Variants in THSD7A observed in about 807,000 individuals in gnomAD.
The protein encoded by THSD7A is thrombospondin type 1 domain containing 7A.
THSD7A carries 96 observed loss-of-function variants against 231.3 expected under a neutral mutation model. That is an observed-to-expected ratio of 0.41 (90% CI 0.35 to 0.49). The LOEUF (loss-of-function observed/expected upper bound fraction) is 0.49, where lower values mean the gene tolerates loss of function less well. Ranked by LOEUF, THSD7A falls within the 20% of genes least tolerant of loss-of-function variation. The pLI, the probability that THSD7A is intolerant of heterozygous loss-of-function variation, is 0.05. For missense variants in THSD7A, 2,290 were observed against 2,070.2 expected (o/e 1.11, Z -2.06); for synonymous variants, 940 against 743.3 (o/e 1.26, Z -4.30).
At chr7:11,542,351 A>C (rs915645626) in intron 5 of THSD7A, among the ~76,000 whole-genome samples, 2 of 152,226 alleles carry the variant, frequency 1.3e-5, no homozygotes, top group African/African-American at 4.8e-5. Flanking sequence ...TTGAAACAAA[A>C]TTGAAAAATG....
intron 1 of THSD7A, among the ~76,000 whole-genome samples, chr7:11,753,769 C>T (rs1355335545): frequency 6.6e-6 from 1 of 151,094 alleles, no homozygotes; most frequent in Non-Finnish European, 1.5e-5. Context: ...ACAAACAATG[C>T]AATGGAGAGA....
intron 2 of THSD7A, among the ~76,000 whole-genome samples, chr7:11,605,630 T>C (rs1050184806): frequency 6.6e-6 from 1 of 152,166 alleles, no homozygotes; most frequent in Non-Finnish European, 1.5e-5. Flanking sequence ...TTACACTTAA[T>C]CTTCATCAAT....
rs184773817 is a variant in THSD7A, at chr7:11,734,112, A to G, written c.191-97151T>C. On this transcript the variant is annotated intron_variant, in intron 1 of 27. Transcript: ENST00000423059. ...TGTTGATTAGATGTCATGTCCAATT[A>G]GCCCCCAAATCCAAGGAAATTCAAC... Among the ~76,000 whole-genome samples, 414 of 152,016 alleles carry G rather than the reference A, an allele frequency of 2.7e-3. 3 individuals are homozygous for G. The highest frequency in any genetic ancestry group is 9.5e-3 in the African/African-American group (394 of 41,534).
chr7:11,404,866 A>G (rs1000704816), intron 22 of THSD7A, among the ~76,000 whole-genome samples: 1 of 152,170 alleles, frequency 6.6e-6, no homozygotes, highest in African/African-American at 2.4e-5. Context: ...TACAGGCACT[A>G]TGTCTTAGAA....
intron 1 of THSD7A, among the ~76,000 whole-genome samples, chr7:11,658,437 CT>C (rs780512369): frequency 6.6e-6 from 1 of 151,368 alleles, no homozygotes; most frequent in African/African-American, 2.4e-5. Context: ...CCAGATAGGC[CT>C]TTTTTTTCAC....
At position 11,590,600 on chromosome 7, in the gene THSD7A, T is replaced by G. The variant is rs745400637; in HGVS notation, c.1313A>C (p.Asp438Ala). Residue 438 changes from aspartate (D) to alanine (A), a missense_variant, in exon 4 of 28, where the codon GAC becomes GCC. Transcript: ENST00000423059. The surrounding 1 kb of genome is among the most constrained non-coding windows in gnomAD (Gnocchi z 4.4). Reference sequence around the variant, plus strand: ...CTTGTCCTGCTGACTGAGCAAAGGGTCCACACGGCACTCAGTCCACTCTGT... The same window carrying G: ...CTTGTCCTGCTGACTGAGCAAAGGGGCCACACGGCACTCAGTCCACTCTGT... ...RTTEWTECRVDPLLSQQDKRR... is the reference protein window; with the variant it reads ...RTTEWTECRVAPLLSQQDKRR... 12 of 1,613,270 alleles carry G rather than the reference T, an allele frequency of 7.4e-6. No individual in the cohort carries two copies. In the South Asian group the frequency reaches 1.3e-4, roughly 18 times the overall value.
Position 11,721,540 on chromosome 7 carries a change from T to C in THSD7A, c.191-84579A>G, listed in dbSNP as rs550790703. Reference sequence around the variant, plus strand: ...CGGAACTGTGAGTCAATAAAACCTCTTTTCTTCATAAGTTACCTAGTCTCA... The same window carrying C: ...CGGAACTGTGAGTCAATAAAACCTCCTTTCTTCATAAGTTACCTAGTCTCA... On this transcript the variant is annotated intron_variant, in intron 1 of 27. Coordinates refer to ENST00000423059, the MANE Select transcript of THSD7A (RefSeq NM_015204.3). Among the ~76,000 whole-genome samples, 22 of 151,808 alleles carry C rather than the reference T, an allele frequency of 1.4e-4. No homozygotes were observed. The East Asian group carries it at 4.3e-3, about 30-fold the overall frequency.
intron 7 of THSD7A, among the ~76,000 whole-genome samples, chr7:11,475,653 T>G (rs1196186777): frequency 6.7e-6 from 1 of 149,046 alleles, no homozygotes; most frequent in African/African-American, 2.4e-5. Flanking sequence ...ATGTAATGAA[T>G]CCTGCATTCT....
chr7:11,408,662 A>C (rs905637359), intron 19 of THSD7A, among the ~76,000 whole-genome samples: 6 of 152,158 alleles, frequency 3.9e-5, no homozygotes, highest in African/African-American at 1.4e-4. Flanking sequence ...TACAGCAGAT[A>C]ATGGCAAAAA....
At chr7:11,708,589 G>T (rs1330325760) in intron 1 of THSD7A, among the ~76,000 whole-genome samples, 2 of 150,286 alleles carry the variant, frequency 1.3e-5, no homozygotes, top group Admixed American at 6.7e-5. Flanking sequence ...GCTGTAACAT[G>T]TAAATTTTTG....
intron 1 of THSD7A, among the ~76,000 whole-genome samples, chr7:11,718,452 C>T (rs1298620334): frequency 6.6e-6 from 1 of 151,604 alleles, no homozygotes; most frequent in Non-Finnish European, 1.5e-5. Flanking sequence ...ATATTTGCAG[C>T]TTGAATACTG....
chr7:11,721,905 T>C (rs7796773), intron 1 of THSD7A, among the ~76,000 whole-genome samples: 57,712 of 151,750 alleles, frequency 0.38, 11,410 homozygotes, highest in South Asian at 0.51. Flanking sequence ...GCTCTCTATG[T>C]TCCAAATATA....
intron 11 of THSD7A, among the ~76,000 whole-genome samples, chr7:11,454,401 A>C (rs778443235): frequency 6.6e-6 from 1 of 151,902 alleles, no homozygotes; most frequent in African/African-American, 2.4e-5. Context: ...AAAGAAAAAC[A>C]AAACTATCCT....
chr7:11,776,943 T>C (rs1045283854), intron 1 of THSD7A, among the ~76,000 whole-genome samples: 1 of 152,168 alleles, frequency 6.6e-6, no homozygotes, highest in African/African-American at 2.4e-5. Context: ...GCTGTAGATT[T>C]TGCAGTTGAT....
At chr7:11,727,870 T>C (rs1781600946) in intron 1 of THSD7A, among the ~76,000 whole-genome samples, 1 of 152,036 alleles carries the variant, frequency 6.6e-6, no homozygotes, top group African/African-American at 2.4e-5. Flanking sequence ...AGCTTAGTTA[T>C]CGGTATCTCA....
At chr7:11,439,724 A>C (rs1784743519) in intron 13 of THSD7A, among the ~76,000 whole-genome samples, 1 of 152,028 alleles carries the variant, frequency 6.6e-6, no homozygotes, top group African/African-American at 2.4e-5. Flanking sequence ...CAGGCTGAGC[A>C]AGGTGAGGAA....
intron 7 of THSD7A, among the ~76,000 whole-genome samples, chr7:11,480,376 C>A (rs2128304415): frequency 6.6e-6 from 1 of 152,222 alleles, no homozygotes; most frequent in African/African-American, 2.4e-5. Flanking sequence ...AGTCACACAG[C>A]AAGTGTCTGC....
chr7:11,445,874 C>A (rs1301920986), intron 13 of THSD7A, among the ~76,000 whole-genome samples, 187 bp downstream of exon 13: 2 of 151,994 alleles, frequency 1.3e-5, no homozygotes, highest in Non-Finnish European at 2.9e-5. Flanking sequence ...TTGCCAACTT[C>A]TGGACAATGA....
chr7:11,702,380 T>C (rs980437925), intron 1 of THSD7A, among the ~76,000 whole-genome samples: 2 of 151,252 alleles, frequency 1.3e-5, no homozygotes, highest in Admixed American at 1.3e-4. Flanking sequence ...GGTTTCTGTA[T>C]TCTTGCTGTT....
Sources: allele counts gnomAD v4.1 joint callset (sites outside exome capture counted in the v4.1 genomes callset), GRCh38; gene constraint gnomAD v4.1.1; non-coding constraint Gnocchi (gnomAD v3.1); transcripts MANE v1.5; gene names NCBI Gene and HGNC (gene_info 2026-07-23, HGNC 2026-07-21).